Variants in NEGR1 observed in about 807,000 individuals in gnomAD.
The protein encoded by NEGR1 is neuronal growth regulator 1.
NEGR1 carries 10 observed loss-of-function variants against 40.9 expected under a neutral mutation model. The ratio of observed to expected loss-of-function variants is 0.24; its 90% CI spans 0.15 to 0.42. The LOEUF is 0.42. Ranked by LOEUF, NEGR1 falls within the 10% of genes least tolerant of loss-of-function variation. NEGR1 has a pLI of 1.00. For missense variants in NEGR1, 352 were observed against 438.9 expected (o/e 0.80, Z 1.77); for synonymous variants, 185 against 166.8 (o/e 1.11, Z -0.84).
In NEGR1 at chr1:72,243,384, G is replaced by C. The variant is rs995680705; in HGVS notation, c.176+38935C>G. ...GTTATCTATCTCATAGGTTTGTTTT[G>C]AGGATTAAATAGTACATAATCAGGA... On this transcript the variant is annotated intron_variant, in intron 1 of 6. Transcript: ENST00000357731. Among the ~76,000 whole-genome samples, 9 of 151,780 alleles carry C rather than the reference G, an allele frequency of 5.9e-5. 1 individual carries two copies. Among genetic ancestry groups the C allele is most frequent in the Admixed American group, 2.6e-4 (4 of 15,212 alleles).
intron 6 of NEGR1, among the ~76,000 whole-genome samples, chr1:71,440,929 C>T (rs1646542718): frequency 6.6e-6 from 1 of 152,090 alleles, no homozygotes; most frequent in African/African-American, 2.4e-5. Flanking sequence ...TCCAAATGAT[C>T]AGACCCATGA....
intron 6 of NEGR1, among the ~76,000 whole-genome samples, chr1:71,496,461 G>A (rs369200202): frequency 4.0e-4 from 61 of 152,180 alleles, no homozygotes; most frequent in African/African-American, 1.2e-3. Context: ...GAAGGTATTC[G>A]TTGGCCAGAA....
In NEGR1 at chr1:72,282,375, G is replaced by T. The variant is rs780246435; in HGVS notation, c.120C>A (p.Phe40Leu). ...SCLPAGQSVDFPWAAVDNMMV... is the reference protein window; with the variant it reads ...SCLPAGQSVDLPWAAVDNMMV... ...TCATGTTGTCCACGGCCGCCCAGGG[G>T]AAGTCCACACTCTGTCCAGCCGGGA... The change falls in exon 1 of 7, where the codon TTC (phenylalanine) becomes TTA (leucine). Residue 40 changes from phenylalanine to leucine, a missense_variant. Phe to Leu is a conservative substitution (Grantham distance 22). Coordinates refer to ENST00000357731, the MANE Select transcript of NEGR1 (RefSeq NM_173808.3). The T allele has an allele frequency of 5.0e-6, 8 of 1,613,832 alleles. No individual in the cohort carries two copies. The highest frequency in any genetic ancestry group is 1.3e-5 in the African/African-American group (1 of 74,896).
At chr1:71,589,901 T>A (rs150568576) in intron 6 of NEGR1, among the ~76,000 whole-genome samples, 1 of 152,118 alleles carries the variant, frequency 6.6e-6, no homozygotes, top group Non-Finnish European at 1.5e-5. Context: ...TCATTTCAAC[T>A]CTCTCATCTT....
intron 1 of NEGR1, among the ~76,000 whole-genome samples, chr1:72,084,959 T>C (rs1404560721): frequency 6.6e-6 from 1 of 152,186 alleles, no homozygotes; most frequent in African/African-American, 2.4e-5. Context: ...TGATTCAGGT[T>C]AGGACCTTTT....
At chr1:71,988,923 T>TAAAAAAAAAAAAAAAAAAAAAAAAAAAAA (rs10604833) in intron 1 of NEGR1, among the ~76,000 whole-genome samples, 3 of 82,256 alleles carry the variant, frequency 3.6e-5, no homozygotes, top group African/African-American at 1.7e-4. Flanking sequence ...TATTGGATGT[T>TAAAAAAAAAAAAAAAAAAAAAAAAAAAAA]AAAAAAAAAA....
At chr1:72,004,730 C>A (rs1486100) in intron 1 of NEGR1, among the ~76,000 whole-genome samples, 81,392 of 151,984 alleles carry the variant, frequency 0.54, 23,135 homozygotes, top group African/African-American at 0.72. Flanking sequence ...CTATTATCTT[C>A]GTTTTTAACA....
chr1:71,708,827 T>C (rs901330116), intron 3 of NEGR1, among the ~76,000 whole-genome samples: 6 of 152,184 alleles, frequency 3.9e-5, no homozygotes, highest in African/African-American at 1.2e-4. Context: ...ACTTTATAAG[T>C]GAGAACATGC....
intron 1 of NEGR1, among the ~76,000 whole-genome samples, chr1:72,008,018 T>C (rs1310320632): frequency 2.6e-5 from 4 of 152,196 alleles, no homozygotes; most frequent in Non-Finnish European, 5.9e-5. Context: ...CCTGTGTGTC[T>C]AAATATTACA....
chr1:72,060,220 T>TCA (rs1030114993), intron 1 of NEGR1, among the ~76,000 whole-genome samples: 14 of 151,660 alleles, frequency 9.2e-5, no homozygotes, highest in Non-Finnish European at 1.8e-4. Flanking sequence ...TTTTTTTCCC[T>TCA]CACACACAGA....
intron 6 of NEGR1, among the ~76,000 whole-genome samples, chr1:71,495,951 T>C (rs1040758872): frequency 2.0e-5 from 3 of 152,208 alleles, no homozygotes; most frequent in African/African-American, 4.8e-5. Flanking sequence ...TTGATAATTC[T>C]TGCAACATTT....
intron 6 of NEGR1, chr1:71,461,543 T>G (rs1051602809): frequency 2.0e-5 from 3 of 152,210 alleles, no homozygotes; most frequent in Non-Finnish European, 4.4e-5. Flanking sequence ...TAATAAGTTC[T>G]CTTGGTATTT....
intron 6 of NEGR1, among the ~76,000 whole-genome samples, chr1:71,442,293 A>G (rs1646553406): frequency 6.9e-6 from 1 of 144,858 alleles, no homozygotes; most frequent in East Asian, 2.1e-4. Context: ...AATGAACAAC[A>G]TAGGAAAACT....
Position 72,062,905 on chromosome 1 carries a change from C to G in NEGR1, c.177-127594G>C, listed in dbSNP as rs573520837. On this transcript the variant is annotated intron_variant, in intron 1 of 6. Coordinates refer to ENST00000357731, the MANE Select transcript of NEGR1 (RefSeq NM_173808.3). Reference sequence around the variant, plus strand: ...GCCACTTTCAGAAGGAGTTTTTCAGCTTCAGTCTTCTCTGTTCAGAAGGTA... The same window carrying G: ...GCCACTTTCAGAAGGAGTTTTTCAGGTTCAGTCTTCTCTGTTCAGAAGGTA... Among the ~76,000 whole-genome samples, 7 of 152,028 alleles carry G rather than the reference C, an allele frequency of 4.6e-5. No individual in the cohort carries two copies. In the South Asian group the frequency reaches 8.3e-4, roughly 18 times the overall value.
intron 1 of NEGR1, among the ~76,000 whole-genome samples, chr1:72,227,212 G>A (rs931084949): frequency 2.0e-5 from 3 of 151,976 alleles, no homozygotes; most frequent in Non-Finnish European, 4.4e-5. Context: ...TACCTCATGG[G>A]AAAGTCATGA....
intron 3 of NEGR1, among the ~76,000 whole-genome samples, chr1:71,736,348 T>C (rs1655041253): frequency 6.6e-6 from 1 of 152,192 alleles, no homozygotes; most frequent in African/African-American, 2.4e-5. Context: ...ACTATTTTTT[T>C]CCTTTTGTTT....
intron 6 of NEGR1, among the ~76,000 whole-genome samples, chr1:71,475,958 C>T (rs1285002900): frequency 1.3e-5 from 2 of 151,972 alleles, no homozygotes; most frequent in East Asian, 1.9e-4. Context: ...CAAAACTTAA[C>T]TTAGACTCCT....
chr1:71,423,830 C>CCT (rs1557521046), intron 6 of NEGR1, among the ~76,000 whole-genome samples: 1 of 141,390 alleles, frequency 7.1e-6, no homozygotes, highest in Non-Finnish European at 1.5e-5. Flanking sequence ...CCCACCCCCC[C>CCT]TTTTTTTTTT....
intron 1 of NEGR1, among the ~76,000 whole-genome samples, chr1:72,120,994 T>C (rs1484118479): frequency 6.6e-6 from 1 of 152,088 alleles, no homozygotes; most frequent in Non-Finnish European, 1.5e-5. Context: ...ACAACAAATG[T>C]TTGCACTTTT....
Sources: gnomAD v4.1 joint callset for allele counts (sites outside exome capture counted in the v4.1 genomes callset) on GRCh38, gnomAD v4.1.1 for gene constraint, MANE v1.5 for transcripts, NCBI Gene and HGNC (gene_info 2026-07-23, HGNC 2026-07-21) for gene names.